Variants in LNX1 observed in about 807,000 individuals in gnomAD.
LNX1 encodes E3 ubiquitin-protein ligase LNX.
LNX1 carries 54 observed loss-of-function variants against 68.4 expected under a neutral mutation model. The observed-to-expected ratio is 0.79, with a 90% CI of 0.63 to 0.99. The LOEUF (loss-of-function observed/expected upper bound fraction) is 0.99. Ranked by LOEUF, LNX1 falls within the 50% of genes least tolerant of loss-of-function variation. LNX1 has a pLI of 0.00. For synonymous variants in LNX1, 336 were observed against 350.0 expected, an observed-to-expected ratio of 0.96 and a Z score of 0.45; for missense variants, 906 against 926.4, an observed-to-expected ratio of 0.98 and a Z score of 0.29.
chr4:53,558,364 G>A (rs1730072307), intron 2 of LNX1: 1 of 669,828 alleles, frequency 1.5e-6, no homozygotes, highest in Admixed American at 5.5e-5. Context: ...ACATGAGCAT[G>A]ACACATTCAG....
At chr4:53,560,854 C>T (rs1352283881) in intron 2 of LNX1, among the ~76,000 whole-genome samples, 3 of 152,226 alleles carry the variant, frequency 2.0e-5, no homozygotes, top group African/African-American at 4.8e-5. Flanking sequence ...TTTTCCATTA[C>T]CTGCCATCTG....
chr4:53,582,978 A>G (rs1021554844), intron 1 of LNX1, among the ~76,000 whole-genome samples: 4 of 152,194 alleles, frequency 2.6e-5, no homozygotes, highest in African/African-American at 4.8e-5. Flanking sequence ...CTGCCTAACT[A>G]CTGCCCTGGC....
At chr4:53,505,363 G>A (rs964513358) in intron 4 of LNX1, among the ~76,000 whole-genome samples, 6 of 151,336 alleles carry the variant, frequency 4.0e-5, no homozygotes, top group African/African-American at 9.7e-5. Context: ...CAATTCTCCC[G>A]CCTCAGCCTC....
intron 2 of LNX1, among the ~76,000 whole-genome samples, chr4:53,561,895 A>G (rs989947634): frequency 2.6e-5 from 4 of 152,062 alleles, no homozygotes; most frequent in Non-Finnish European, 4.4e-5. Flanking sequence ...CCTATGTAAC[A>G]AACCTGAACG....
chr4:53,638,202 T>A (rs1177612201), intron 1 of LNX1, among the ~76,000 whole-genome samples: 1 of 152,212 alleles, frequency 6.6e-6, no homozygotes, highest in Admixed American at 6.5e-5. Flanking sequence ...TTTCTCTGAC[T>A]TGGCTTCTCT....
At chr4:53,468,040 C>G (rs1406097902) in intron 9 of LNX1, among the ~76,000 whole-genome samples, 2 of 152,152 alleles carry the variant, frequency 1.3e-5, no homozygotes, top group Admixed American at 1.3e-4. Flanking sequence ...ACATAATTGT[C>G]AGATTCACCA....
chr4:53,495,809 G>T (rs1256938019), intron 6 of LNX1, among the ~76,000 whole-genome samples: 1 of 152,184 alleles, frequency 6.6e-6, no homozygotes, highest in Non-Finnish European at 1.5e-5. Flanking sequence ...CTCCCAAAGT[G>T]CTGGGATTAC....
At chr4:53,545,802 ATTTTTT>A (rs71197029) in intron 2 of LNX1, among the ~76,000 whole-genome samples, 61 of 111,586 alleles carry the variant, frequency 5.5e-4, no homozygotes, top group East Asian at 2.3e-3. Context: ...CAGAGGCCAC[ATTTTTT>A]TTTTTTTTTT....
upstream of LNX1, among the ~76,000 whole-genome samples, chr4:53,594,674 C>G (rs1056481515): frequency 6.6e-6 from 1 of 151,976 alleles, no homozygotes; most frequent in African/African-American, 2.4e-5. Flanking sequence ...AGATCAAACC[C>G]TTTTCTTTTA....
At chr4:53,536,762 A>G (rs1275939981) in intron 2 of LNX1, among the ~76,000 whole-genome samples, 1 of 152,164 alleles carries the variant, frequency 6.6e-6, no homozygotes, top group Non-Finnish European at 1.5e-5. Context: ...TTGTTTTTCT[A>G]TAATTAGTTG....
chr4:53,619,230 T>G (rs927295770), upstream of LNX1, among the ~76,000 whole-genome samples: 1 of 152,244 alleles, frequency 6.6e-6, no homozygotes, highest in Non-Finnish European at 1.5e-5. Context: ...ACGTACACTT[T>G]AGTGGTTTTT....
intron 1 of LNX1, chr4:53,575,553 C>T (rs187852798): frequency 1.0e-6 from 1 of 985,246 alleles, no homozygotes; most frequent in Admixed American, 6.1e-5. Flanking sequence ...AAGTAGGAGC[C>T]CAGTGCAAAC....
intron 2 of LNX1, among the ~76,000 whole-genome samples, chr4:53,557,016 C>T (rs1365433171): frequency 6.6e-6 from 1 of 152,158 alleles, no homozygotes; most frequent in African/African-American, 2.4e-5. Flanking sequence ...GCAAATGTTC[C>T]AAACACAAGG....
intron 2 of LNX1, among the ~76,000 whole-genome samples, chr4:53,519,667 A>T (rs76412590): frequency 2.5e-5 from 1 of 40,372 alleles, no homozygotes; most frequent in Non-Finnish European, 6.3e-5. Context: ...TCTGACACAC[A>T]CACACATGCG....
rs566961276 is a variant in LNX1 at position 53,493,380 on chromosome 4, G to A, written c.1350+2643C>T. Among the ~76,000 whole-genome samples the A allele has an allele frequency of 2.0e-5, 3 of 152,324 alleles. No homozygotes were observed. The South Asian group carries it at 6.2e-4, about 32-fold the overall frequency. On this transcript the variant is annotated intron_variant, in intron 6 of 10. Transcript: ENST00000263925. ...GGGGCCGAGAACCACCTTGGAACTG[G>A]GACACCACCAAGTGGCACAGCTCAA...
At chr4:53,608,211 C>T (rs139503920) in intron 2 of LNX1, among the ~76,000 whole-genome samples, 103 of 152,258 alleles carry the variant, frequency 6.8e-4, no homozygotes, top group Non-Finnish European at 1.1e-3. Flanking sequence ...TATTTGTAAA[C>T]TGTGCATCCT....
chr4:53,503,491 C>G (rs1030948789), intron 4 of LNX1, among the ~76,000 whole-genome samples: 3 of 152,288 alleles, frequency 2.0e-5, no homozygotes, highest in Admixed American at 6.5e-5. Context: ...GATGCATTAT[C>G]AATGAGTAGC....
chr4:53,588,582 GT>G (rs1374976706), intron 1 of LNX1, among the ~76,000 whole-genome samples: 2 of 152,080 alleles, frequency 1.3e-5, no homozygotes, highest in African/African-American at 4.8e-5. Flanking sequence ...GCACTACCCA[GT>G]CCCCCCAGTC....
At chr4:53,520,787 C>A (rs1349534872) in intron 2 of LNX1, among the ~76,000 whole-genome samples, 13 of 152,070 alleles carry the variant, frequency 8.5e-5, no homozygotes, top group African/African-American at 2.9e-4. Context: ...CATGGCAAAA[C>A]CCCATCTCTA....
Sources: gnomAD v4.1 joint callset for allele counts (sites outside exome capture counted in the v4.1 genomes callset) on GRCh38, gnomAD v4.1.1 for gene constraint, MANE v1.5 for transcripts, NCBI Gene and HGNC (gene_info 2026-07-23, HGNC 2026-07-21) for gene names.